The following CD247 variants were observed in gnomAD, a reference collection of about 807,000 sequenced individuals.
CD247 encodes CD247 molecule.
Under a neutral mutation model 30.0 loss-of-function variants are expected in CD247, and 13 were observed. The observed-to-expected ratio is 0.43, with a 90% confidence interval of 0.28 to 0.69. The LOEUF is 0.69. CD247 is among the 30% of genes least tolerant of loss of function. The pLI is 0.16. For synonymous variants in CD247, 72 were observed against 80.0 expected (o/e 0.90, Z 0.53); for missense variants, 193 against 212.6 (o/e 0.91, Z 0.57).
intron 1 of CD247, among the ~76,000 whole-genome samples, chr1:167,514,539 A>G (rs1655523545): frequency 6.6e-6 from 1 of 152,190 alleles, no homozygotes; most frequent in Non-Finnish European, 1.5e-5. Context: ...TTAGACCGGA[A>G]GACATACTAT....
chr1:167,475,815 C>T (rs201107592), intron 1 of CD247, among the ~76,000 whole-genome samples: 2 of 152,040 alleles, frequency 1.3e-5, no homozygotes, highest in East Asian at 3.9e-4. Flanking sequence ...AGAGAGGGGT[C>T]GGGCTGTGGG....
chr1:167,443,810 G>C (rs1651949680), intron 1 of CD247, among the ~76,000 whole-genome samples: 1 of 152,076 alleles, frequency 6.6e-6, no homozygotes, highest in African/African-American at 2.4e-5. Flanking sequence ...GTGGAGGAGA[G>C]GATATTAACC....
chr1:167,468,860 G>T (rs1365194392), intron 1 of CD247, among the ~76,000 whole-genome samples: 6 of 151,914 alleles, frequency 3.9e-5, no homozygotes, highest in African/African-American at 1.5e-4. Context: ...CGGCTGATTT[G>T]TTGTGAATTA....
chr1:167,495,791 T>C (rs918611324), intron 1 of CD247, among the ~76,000 whole-genome samples: 1 of 152,154 alleles, frequency 6.6e-6, no homozygotes, highest in Non-Finnish European at 1.5e-5. Context: ...CTTCTCCAGG[T>C]TCCCACTTGG....
intron 4 of CD247, among the ~76,000 whole-genome samples, chr1:167,436,414 G>A (rs2101990073): frequency 6.6e-6 from 1 of 152,266 alleles, no homozygotes; most frequent in Middle Eastern, 3.4e-3. Context: ...TCTGAAACAA[G>A]ACAAAGATGC....
chr1:167,518,256 G>A, intron 1 of CD247, 152 bp downstream of exon 1: 1 of 746,944 alleles, frequency 1.3e-6, no homozygotes, highest in East Asian at 2.7e-5. Context: ...CACCGGGCCG[G>A]ACCCCTCACT....
In CD247 at chr1:167,432,972, G is replaced by A. The variant is rs1486371099; in HGVS notation, c.429+52C>T. 8 of 1,599,870 alleles carry A rather than the reference G, an allele frequency of 5.0e-6. No individual in the cohort carries two copies. The South Asian group carries it at 6.6e-5, about 13-fold the overall frequency. ...GGCAAAATGTGGGGGCCTTGATCTT[G>A]CCCCTTGTCAGGTGGTGCCCCTTCC... On this transcript the variant is annotated intron_variant, in intron 7 of 7. Transcript: ENST00000362089.
At chr1:167,470,217 T>C (rs1239992617) in intron 1 of CD247, among the ~76,000 whole-genome samples, 1 of 152,116 alleles carries the variant, frequency 6.6e-6, no homozygotes, top group Non-Finnish European at 1.5e-5. Flanking sequence ...CCTGGCCTTT[T>C]CTCAGTACTT....
At chr1:167,497,610 A>G (rs1654743025) in intron 1 of CD247, among the ~76,000 whole-genome samples, 1 of 152,226 alleles carries the variant, frequency 6.6e-6, no homozygotes, top group Non-Finnish European at 1.5e-5. Flanking sequence ...ATTTGGAAAC[A>G]GTATGAGTTA....
chr1:167,434,216 C>A, intron 5 of CD247, 140 bp from the exon 6 acceptor site: 1 of 776,634 alleles, frequency 1.3e-6, no homozygotes, highest in Non-Finnish European at 2.3e-6. Context: ...GGCTCCAAAC[C>A]TTATGCACAC....
chr1:167,486,218 C>T (rs1282049570), intron 1 of CD247, among the ~76,000 whole-genome samples: 3 of 152,228 alleles, frequency 2.0e-5, no homozygotes, highest in Non-Finnish European at 4.4e-5. Context: ...CTTGCACCAG[C>T]CCCCTCGGTT....
chr1:167,477,878 G>A (rs971820424), intron 1 of CD247, among the ~76,000 whole-genome samples: 8 of 152,166 alleles, frequency 5.3e-5, no homozygotes, highest in Non-Finnish European at 8.8e-5. Flanking sequence ...GCAAAACTTG[G>A]AAGCCATATG....
chr1:167,483,942 T>C (rs1654084698), intron 1 of CD247, among the ~76,000 whole-genome samples: 1 of 152,208 alleles, frequency 6.6e-6, no homozygotes, highest in South Asian at 2.1e-4. Flanking sequence ...CTGGCTGCAG[T>C]GGTAGCAGGA....
intron 1 of CD247, among the ~76,000 whole-genome samples, chr1:167,464,477 G>A (rs1241634300): frequency 6.6e-6 from 1 of 152,118 alleles, no homozygotes; most frequent in South Asian, 2.1e-4. Context: ...CTCCAAGAAC[G>A]GCTCAGAAAT....
intron 1 of CD247, among the ~76,000 whole-genome samples, chr1:167,506,899 T>C (rs1171002290): frequency 1.4e-5 from 2 of 144,798 alleles, no homozygotes; most frequent in Non-Finnish European, 3.0e-5. Context: ...CTGATTTTTT[T>C]TTTTTTTTTT....
intron 1 of CD247, chr1:167,459,991 A>T (rs1423188986): frequency 6.6e-6 from 1 of 152,212 alleles, no homozygotes; most frequent in Non-Finnish European, 1.5e-5. Context: ...ATAAATGATC[A>T]AGTCAGGTAG....
At chr1:167,514,303 A>AT (rs1258982795) in intron 1 of CD247, among the ~76,000 whole-genome samples, 3 of 151,856 alleles carry the variant, frequency 2.0e-5, no homozygotes, top group Non-Finnish European at 2.9e-5. Flanking sequence ...TGCCCAGTTA[A>AT]TTTTTTGCAT....
chr1:167,507,468 C>G (rs956653338), intron 1 of CD247, among the ~76,000 whole-genome samples: 1 of 152,140 alleles, frequency 6.6e-6, no homozygotes. Flanking sequence ...GGTTAGATTT[C>G]TATTCTTTTC....
chr1:167,481,882 G>A (rs1209077436), intron 1 of CD247, among the ~76,000 whole-genome samples: 1 of 152,188 alleles, frequency 6.6e-6, no homozygotes, highest in Non-Finnish European at 1.5e-5. Flanking sequence ...AGGCAGCGAT[G>A]GAACCCAAGG....
Sources: gnomAD v4.1 joint callset for allele counts (sites outside exome capture counted in the v4.1 genomes callset) on GRCh38, gnomAD v4.1.1 for gene constraint, MANE v1.5 for transcripts, NCBI Gene and HGNC (gene_info 2026-07-23, HGNC 2026-07-21) for gene names.